The following IPO11 variants were observed in gnomAD, a reference collection of about 807,000 sequenced individuals.
The protein encoded by IPO11 is importin 11.
A neutral mutation model predicts 143.2 loss-of-function variants in IPO11; 66 were observed. That is an observed-to-expected ratio of 0.46 (90% CI 0.38 to 0.57). The LOEUF is 0.57. IPO11 is among the 20% of genes least tolerant of loss of function. IPO11 has a pLI of 0.00. For synonymous variants in IPO11, 385 were observed against 377.8 expected (o/e 1.02, Z -0.22); for missense variants, 1,026 against 1,141.0 (o/e 0.90, Z 1.45).
chr5:62,430,037 G>T (rs1214442365), intron 1 of IPO11, among the ~76,000 whole-genome samples: 1 of 152,114 alleles, frequency 6.6e-6, no homozygotes, highest in African/African-American at 2.4e-5. Context: ...GATTATAGGC[G>T]TGAGCTGCTG....
intron 16 of IPO11, among the ~76,000 whole-genome samples, chr5:62,499,569 CTTT>C (rs35545041): frequency 8.8e-4 from 88 of 100,090 alleles, no homozygotes; most frequent in African/African-American, 3.1e-3. Context: ...CTTACTCTAA[CTTT>C]TTTTTTTTTT....
intron 26 of IPO11, among the ~76,000 whole-genome samples, chr5:62,553,156 G>T (rs186896185): frequency 6.6e-5 from 10 of 152,012 alleles, no homozygotes; most frequent in African/African-American, 2.4e-4. Context: ...TCTACTTTCT[G>T]CTTCTTTGAG....
intron 22 of IPO11, among the ~76,000 whole-genome samples, chr5:62,534,651 G>A (rs994273135): frequency 2.0e-5 from 3 of 152,176 alleles, no homozygotes; most frequent in African/African-American, 7.2e-5. Flanking sequence ...GGGATTTTCA[G>A]TCTTGGCTCT....
intron 27 of IPO11, among the ~76,000 whole-genome samples, 175 bp from the exon 28 acceptor site, chr5:62,591,402 T>C (rs1476810774): frequency 6.6e-6 from 1 of 152,176 alleles, no homozygotes; most frequent in Admixed American, 6.6e-5. Context: ...AAAAGAATTT[T>C]GTGATGTTAT....
Position 62,601,842 on chromosome 5 carries a change from A to G in IPO11, c.2757A>G (p.Lys919=). The stretch of plus-strand genomic sequence containing the variant: ...CACCCACAGAACAAGATAAGAGGAA[A>G]AAGATGGTAAGTTATAAAAGTAGCT... ...EEPPTEQDKR[K]KMLALKDPVH... Residue 919 remains lysine (K), a synonymous_variant, in exon 29 of 30, where the codon AAA becomes AAG. Coordinates refer to ENST00000325324, the MANE Select transcript of IPO11 (RefSeq NM_016338.5). 1.3e-6 allele frequency: 2 copies of G among 1,579,270 alleles called. No individual in the cohort carries two copies. Among genetic ancestry groups the G allele is most frequent in the Non-Finnish European group, 1.7e-6 (2 of 1,162,780 alleles).
At chr5:62,596,903 A>G (rs922253149) in intron 28 of IPO11, among the ~76,000 whole-genome samples, 12 of 152,202 alleles carry the variant, frequency 7.9e-5, no homozygotes, top group African/African-American at 2.2e-4. Context: ...CAAACATGCC[A>G]TACACTTATG....
intron 19 of IPO11, among the ~76,000 whole-genome samples, chr5:62,506,702 A>G (rs75871500): frequency 7.9e-5 from 12 of 152,272 alleles, no homozygotes; most frequent in Non-Finnish European, 1.6e-4. Flanking sequence ...TGTTATTTTT[A>G]CCTGAAAAAT....
At chr5:62,464,185 C>G (rs1187372282) in intron 5 of IPO11, among the ~76,000 whole-genome samples, 1 of 115,646 alleles carries the variant, frequency 8.6e-6, no homozygotes, top group Admixed American at 1.1e-4. Context: ...CAGTCTTGCT[C>G]TGTCGCCAGG....
At chr5:62,505,130 T>C (rs1241081968) in intron 18 of IPO11, among the ~76,000 whole-genome samples, 2 of 152,168 alleles carry the variant, frequency 1.3e-5, no homozygotes, top group Non-Finnish European at 2.9e-5. Context: ...AATTTTGTCA[T>C]CTGTGTTGAA....
intron 22 of IPO11, among the ~76,000 whole-genome samples, chr5:62,532,179 G>C (rs186964219): frequency 1.3e-5 from 2 of 152,124 alleles, no homozygotes; most frequent in African/African-American, 4.8e-5. Context: ...AGCATGCTTA[G>C]TCTCCACAAC....
At chr5:62,592,118 G>A (rs914145254) in intron 28 of IPO11, among the ~76,000 whole-genome samples, 2 of 152,162 alleles carry the variant, frequency 1.3e-5, no homozygotes, top group African/African-American at 4.8e-5. Context: ...CCAAAGTGCT[G>A]GGATTACAGG....
intron 22 of IPO11, among the ~76,000 whole-genome samples, chr5:62,534,966 A>G (rs1306057371): frequency 6.6e-6 from 1 of 151,942 alleles, no homozygotes; most frequent in Non-Finnish European, 1.5e-5. Context: ...AACAGTGTCC[A>G]GTACCTTAAA....
At chr5:62,583,202 C>T (rs1744634509) in intron 27 of IPO11, among the ~76,000 whole-genome samples, 1 of 151,852 alleles carries the variant, frequency 6.6e-6, no homozygotes, top group Non-Finnish European at 1.5e-5. Context: ...CCTACAAATC[C>T]AATTATGTTT....
chr5:62,609,197 G>A (rs1259460611), intron 29 of IPO11, among the ~76,000 whole-genome samples: 1 of 152,182 alleles, frequency 6.6e-6, no homozygotes, highest in Admixed American at 6.5e-5. Context: ...AATAATGAAG[G>A]CATTGGCTTC....
At chr5:62,537,173 T>A in intron 23 of IPO11, 36 bp from the exon 24 acceptor site, 1 of 1,220,680 alleles carries the variant, frequency 8.2e-7, no homozygotes, top group Non-Finnish European at 1.2e-6. Flanking sequence ...ATTACAGATA[T>A]ATTCTTACAT....
chr5:62,621,164 C>A (rs972456741), intron 29 of IPO11, among the ~76,000 whole-genome samples: 1 of 152,020 alleles, frequency 6.6e-6, no homozygotes, highest in Non-Finnish European at 1.5e-5. Flanking sequence ...CTAGCCAATG[C>A]GATGAGAAGA....
intron 28 of IPO11, among the ~76,000 whole-genome samples, chr5:62,598,435 TCTCTC>T (rs1745334712): frequency 3.3e-4 from 1 of 3,044 alleles, no homozygotes; most frequent in Admixed American, 5.0e-3. Context: ...TTTCTTTCTC[TCTCTC>T]TCTCTCTCTC....
At chr5:62,444,013 C>T (rs1744609870) in intron 3 of IPO11, among the ~76,000 whole-genome samples, 1 of 152,052 alleles carries the variant, frequency 6.6e-6, no homozygotes, top group Non-Finnish European at 1.5e-5. Flanking sequence ...AAAACATGTC[C>T]TTGAATAATA....
Position 62,526,271 on chromosome 5 carries a change from CTT to C in IPO11, c.2012+15_2012+16del. 3 of 1,522,530 alleles carry C rather than the reference CTT, an allele frequency of 2.0e-6. No homozygotes were observed. Among genetic ancestry groups the C allele is most frequent in the South Asian group, 2.2e-5 (2 of 89,170 alleles). 94.3% of individuals were successfully genotyped at this position (1,522,530 alleles called of 1,614,324 possible). A position where few individuals can be genotyped will look rare whatever the true frequency, so the allele number is the denominator to read the frequency against. On this transcript the variant is annotated intron_variant, in intron 21 of 29. Transcript: ENST00000325324. ...TTTAGAATTATGGTAAGAGGAAAAA[CTT>C]AATACCATGGATCTTATTTTATTCG...
Sources: allele counts gnomAD v4.1 joint callset (sites outside exome capture counted in the v4.1 genomes callset), GRCh38; gene constraint gnomAD v4.1.1; transcripts MANE v1.5; gene names NCBI Gene and HGNC (gene_info 2026-07-23, HGNC 2026-07-21).